Variants in COL13A1 observed in about 807,000 individuals in gnomAD.
The protein encoded by COL13A1 is collagen alpha-1(XIII) chain.
Under a neutral mutation model 130.9 loss-of-function variants are expected in COL13A1, and 89 were observed. The ratio of observed to expected loss-of-function variants is 0.68; its 90% CI spans 0.57 to 0.81. The LOEUF (loss-of-function observed/expected upper bound fraction) is 0.81. Among genes scored for constraint, COL13A1 ranks in the 30% least tolerant of loss-of-function variants. The pLI is 0.00. For synonymous variants in COL13A1, 402 were observed against 341.6 expected (o/e 1.18, Z -1.95); for missense variants, 879 against 934.6 (o/e 0.94, Z 0.78).
chr10:69,888,220 T>C (rs2060793198), intron 8 of COL13A1, 84 bp from the exon 9 acceptor site: 1 of 1,515,196 alleles, frequency 6.6e-7, no homozygotes, highest in South Asian at 1.2e-5. Context: ...ATCCAGAATC[T>C]GTGCTTTTCC....
intron 10 of COL13A1, among the ~76,000 whole-genome samples, chr10:69,893,680 G>A (rs142986831): frequency 1.7e-3 from 255 of 152,378 alleles, no homozygotes; most frequent in Non-Finnish European, 2.2e-3. Flanking sequence ...GCATTTGGCA[G>A]TGGAAACAGC....
At chr10:69,877,957 G>T in intron 5 of COL13A1, 82 bp from the exon 6 acceptor site, 1 of 690,332 alleles carries the variant, frequency 1.4e-6, no homozygotes, top group South Asian at 1.5e-5. Flanking sequence ...GGATTCTCGT[G>T]TGGGTGCCTC....
At chr10:69,834,490 A>G (rs2133043181) in intron 2 of COL13A1, among the ~76,000 whole-genome samples, 1 of 152,308 alleles carries the variant, frequency 6.6e-6, no homozygotes, top group African/African-American at 2.4e-5. Flanking sequence ...AACTAATAAT[A>G]ACCATGGCAT....
Position 69,930,447 on chromosome 10 carries a change from C to T in COL13A1, c.1578C>T (p.Gly526=), listed in dbSNP as rs1054306148. 7 of 1,613,104 alleles carry T rather than the reference C, an allele frequency of 4.3e-6. No individual in the cohort carries two copies. Among genetic ancestry groups the T allele is most frequent in the Non-Finnish European group, 8.5e-7 (1 of 1,179,370 alleles). Residue 526 remains glycine, a synonymous_variant, in exon 30 of 41, where the codon GGC becomes GGT. Coordinates refer to ENST00000645393, the MANE Select transcript of COL13A1 (RefSeq NM_001368882.1). ...ACATGGGCCCTCCTGGTCCCCAAGGCCCCCCAGGAAAGGATGGACCTCCAG... is the reference window on the plus strand; with the variant it reads ...ACATGGGCCCTCCTGGTCCCCAAGGTCCCCCAGGAAAGGATGGACCTCCAG... The part of the protein sequence containing the change: ...PGDMGPPGPQ[G]PPGKDGPPGV...
At chr10:69,897,631 G>A (rs138560121) in intron 13 of COL13A1, 27 of 1,351,470 alleles carry the variant, frequency 2.0e-5, no homozygotes, top group South Asian at 5.2e-5. Flanking sequence ...CAGTGGGAGC[G>A]GGTGGAGCTC....
At chr10:69,904,911 T>C in intron 15 of COL13A1, 22 bp from the exon 16 acceptor site, 3 of 1,481,788 alleles carry the variant, frequency 2.0e-6, no homozygotes, top group East Asian at 2.5e-5. Flanking sequence ...TTTTCTTTTT[T>C]TTTTTTTTTT....
chr10:69,857,680 G>A (rs1856816578), intron 2 of COL13A1, among the ~76,000 whole-genome samples: 1 of 152,114 alleles, frequency 6.6e-6, no homozygotes, highest in Non-Finnish European at 1.5e-5. Flanking sequence ...AAAGGTTAGG[G>A]ACTGCTGCCC....
At chr10:69,936,158 AAGG>A in intron 32 of COL13A1, among the ~76,000 whole-genome samples, 1 of 6,680 alleles carries the variant, frequency 1.5e-4, no homozygotes, top group East Asian at 0.013. Flanking sequence ...GGAAGGAAGG[AAGG>A]AAGGAAGGAA....
At chr10:69,877,964 C>T (rs1317379461) in intron 5 of COL13A1, 75 bp from the exon 6 acceptor site, 3 of 687,056 alleles carry the variant, frequency 4.4e-6, no homozygotes, top group Admixed American at 2.1e-5. Flanking sequence ...CGTGTGGGTG[C>T]CTCTTTCTCA....
At chr10:69,867,333 G>T (rs976752520) in intron 2 of COL13A1, among the ~76,000 whole-genome samples, 3 of 152,244 alleles carry the variant, frequency 2.0e-5, no homozygotes, top group Non-Finnish European at 4.4e-5. Context: ...GGCCATCCAC[G>T]CCCGCCCCTG....
At chr10:69,908,725 T>C (rs1338262040) in intron 17 of COL13A1, among the ~76,000 whole-genome samples, 12 of 152,126 alleles carry the variant, frequency 7.9e-5, no homozygotes, top group East Asian at 7.7e-4. Flanking sequence ...CCAGGCTACA[T>C]TGAATTTGCA....
intron 5 of COL13A1, chr10:69,877,215 C>G (rs1283888695): frequency 1.3e-5 from 2 of 152,234 alleles, no homozygotes; most frequent in Non-Finnish European, 2.9e-5. Context: ...CTGGGGTTGA[C>G]CAGAAGTGGC....
chr10:69,884,142 A>G lies in COL13A1; in HGVS notation c.514-3314A>G, dbSNP rs2060393208. 2.6e-5 allele frequency among the ~76,000 whole-genome samples: 4 copies of G among 152,310 alleles called. No individual in the cohort carries two copies. The South Asian group carries it at 8.3e-4, about 32-fold the overall frequency. On this transcript the variant is annotated intron_variant, in intron 7 of 40. Transcript: ENST00000645393. Reference sequence around the variant, plus strand: ...TGAGTTAGAGATGCCGTAAAGTCCAATGGGAACTGTCATCTGCTGCTGGAA... The same window carrying G: ...TGAGTTAGAGATGCCGTAAAGTCCAGTGGGAACTGTCATCTGCTGCTGGAA...
chr10:69,867,794 T>C lies in COL13A1; in HGVS notation c.365-4T>C, dbSNP rs1001809648. On this transcript the variant is annotated splice_polypyrimidine_tract_variant and splice_region_variant and intron_variant, in intron 2 of 40. Coordinates refer to ENST00000645393, the MANE Select transcript of COL13A1 (RefSeq NM_001368882.1). Reference sequence around the variant, plus strand: ...GACCCAGGCATTTTCTCTCTCTCTTTCAGGACCTCCTGTAAGTACTCAAGC... The same window carrying C: ...GACCCAGGCATTTTCTCTCTCTCTTCCAGGACCTCCTGTAAGTACTCAAGC... 1 of 718,350 alleles carries C rather than the reference T, an allele frequency of 1.4e-6. No individual in the cohort carries two copies. Among genetic ancestry groups the C allele is most frequent in the Non-Finnish European group, 2.6e-6 (1 of 385,036 alleles). The allele number at this position is 718,350 out of a possible 1,614,324, so 44.5% of individuals were successfully genotyped here.
At chr10:69,810,349 AGAGAG>A (rs2132228984) in intron 1 of COL13A1, among the ~76,000 whole-genome samples, 1 of 10,230 alleles carries the variant, frequency 9.8e-5, no homozygotes, top group East Asian at 3.0e-3. Context: ...CCTGAGAATG[AGAGAG>A]AGAGAGAGAG....
chr10:69,892,837 A>C (rs1370249562), intron 10 of COL13A1, among the ~76,000 whole-genome samples: 1 of 152,188 alleles, frequency 6.6e-6, no homozygotes. Flanking sequence ...AAATAAAACC[A>C]TGTGGGACAA....
At chr10:69,822,884 T>C (rs1161605049) in intron 2 of COL13A1, among the ~76,000 whole-genome samples, 6 of 152,234 alleles carry the variant, frequency 3.9e-5, no homozygotes, top group Admixed American at 1.3e-4. Context: ...CCTTATTTTC[T>C]ATAGCTAGCT....
At chr10:69,806,199 A>T (rs1409387210) in intron 1 of COL13A1, among the ~76,000 whole-genome samples, 1 of 152,240 alleles carries the variant, frequency 6.6e-6, no homozygotes, top group Non-Finnish European at 1.5e-5. Flanking sequence ...AGCAGGCAGG[A>T]CTGGGCCACT....
intron 2 of COL13A1, among the ~76,000 whole-genome samples, chr10:69,838,926 A>G (rs1041661953): frequency 6.6e-6 from 1 of 152,230 alleles, no homozygotes; most frequent in African/African-American, 2.4e-5. Context: ...CCTGCGTGTG[A>G]AGCCCCATTG....
Sources: gnomAD v4.1 joint callset for allele counts (sites outside exome capture counted in the v4.1 genomes callset) on GRCh38, gnomAD v4.1.1 for gene constraint, MANE v1.5 for transcripts, NCBI Gene and HGNC (gene_info 2026-07-23, HGNC 2026-07-21) for gene names.